The following CERS6 variants were observed in gnomAD, a reference collection of about 807,000 sequenced individuals.
The protein encoded by CERS6 is ceramide synthase 6, also known as LAG1 homolog, ceramide synthase 6.
CERS6 carries 26 observed loss-of-function variants against 56.8 expected under a neutral mutation model. That is an observed-to-expected ratio of 0.46 (90% confidence interval 0.34 to 0.63). The LOEUF is 0.63. CERS6 is among the 30% of genes least tolerant of loss of function. The pLI, the probability that CERS6 is intolerant of heterozygous loss-of-function variation, is 0.01. For synonymous variants in CERS6, 164 were observed against 173.3 expected (o/e 0.95, Z 0.42); for missense variants, 415 against 467.5 (o/e 0.89, Z 1.04).
At chr2:168,536,955 T>C (rs1475054198) in intron 1 of CERS6, among the ~76,000 whole-genome samples, 1 of 152,200 alleles carries the variant, frequency 6.6e-6, no homozygotes, top group Non-Finnish European at 1.5e-5. Context: ...TAAACATTTC[T>C]TGAGTTCTTG....
chr2:168,673,047 A>G (rs1574148836), intron 4 of CERS6, among the ~76,000 whole-genome samples: 1 of 152,358 alleles, frequency 6.6e-6, no homozygotes, highest in East Asian at 1.9e-4. Flanking sequence ...TTGTCTTATT[A>G]GTATTGAGTA....
rs751129672 is a variant in CERS6, at chr2:168,765,636, C to G, written c.890C>G (p.Pro297Arg). Residue 297 changes from proline (P) to arginine (R), a missense_variant, in exon 9 of 10, where the codon CCT becomes CGT. Pro to Arg is a moderately radical substitution (Grantham distance 103). Coordinates refer to ENST00000305747, the MANE Select transcript of CERS6 (RefSeq NM_203463.3). ...TTTGAAAGCTGGGAGATCGTTGGACCTTACCCTTCCTGGTGGGTTTTTAAC... is the reference window on the plus strand; with the variant it reads ...TTTGAAAGCTGGGAGATCGTTGGACGTTACCCTTCCTGGTGGGTTTTTAAC... ...TLFESWEIVGPYPSWWVFNLL... is the reference protein window; with the variant it reads ...TLFESWEIVGRYPSWWVFNLL... 6.8e-6 allele frequency: 11 copies of G among 1,613,954 alleles called. No homozygotes were observed. Among genetic ancestry groups the G allele is most frequent in the Admixed American group, 1.7e-5 (1 of 60,004 alleles).
chr2:168,630,573 A>C (rs1574112588), intron 3 of CERS6, among the ~76,000 whole-genome samples: 2 of 152,266 alleles, frequency 1.3e-5, no homozygotes, highest in East Asian at 3.9e-4. Flanking sequence ...TAATTTTAAA[A>C]TATTAACTCT....
At chr2:168,746,799 A>ATATATG in intron 8 of CERS6, among the ~76,000 whole-genome samples, 1 of 107,316 alleles carries the variant, frequency 9.3e-6, no homozygotes, top group Non-Finnish European at 1.9e-5. Flanking sequence ...ATATATATAT[A>ATATATG]TATATATATA....
At chr2:168,485,017 C>G (rs1694250553) in intron 1 of CERS6, among the ~76,000 whole-genome samples, 1 of 152,188 alleles carries the variant, frequency 6.6e-6, no homozygotes, top group South Asian at 2.1e-4. Flanking sequence ...TAGGCAGGCT[C>G]TCATTAGGTG....
At chr2:168,759,499 T>G (rs1382487767) in intron 8 of CERS6, among the ~76,000 whole-genome samples, 1 of 152,164 alleles carries the variant, frequency 6.6e-6, no homozygotes, top group South Asian at 2.1e-4. Context: ...CAGTAGAGGT[T>G]CGATGCTATT....
At chr2:168,574,560 A>G (rs1425084237) in intron 3 of CERS6, among the ~76,000 whole-genome samples, 1 of 152,216 alleles carries the variant, frequency 6.6e-6, no homozygotes, top group East Asian at 1.9e-4. Flanking sequence ...TTATCCATAA[A>G]ACAAGGCGAT....
At chr2:168,567,990 T>G (rs1171515758) in intron 3 of CERS6, among the ~76,000 whole-genome samples, 1 of 152,236 alleles carries the variant, frequency 6.6e-6, no homozygotes, top group Non-Finnish European at 1.5e-5. Context: ...CCTCGTTCTA[T>G]TCTAGACCTA....
At chr2:168,464,842 A>G (rs1405834064) in intron 1 of CERS6, among the ~76,000 whole-genome samples, 1 of 152,240 alleles carries the variant, frequency 6.6e-6, no homozygotes, top group Non-Finnish European at 1.5e-5. Flanking sequence ...AACCACTATG[A>G]GATACGCATT....
At chr2:168,527,442 A>G (rs1429875574) in intron 1 of CERS6, among the ~76,000 whole-genome samples, 3 of 152,188 alleles carry the variant, frequency 2.0e-5, no homozygotes, top group Non-Finnish European at 2.9e-5. Flanking sequence ...GGGTTTATGC[A>G]GATTTATAAT....
chr2:168,758,070 G>C (rs1684466669), intron 8 of CERS6, among the ~76,000 whole-genome samples: 2 of 152,102 alleles, frequency 1.3e-5, no homozygotes, highest in Admixed American at 1.3e-4. Flanking sequence ...TTTTTGTTCG[G>C]AGTGAATTTT....
intron 8 of CERS6, among the ~76,000 whole-genome samples, chr2:168,734,469 T>C (rs1683652470): frequency 6.6e-6 from 1 of 152,150 alleles, no homozygotes; most frequent in Non-Finnish European, 1.5e-5. Context: ...ACACTAACAC[T>C]GAACCATTTA....
At chr2:168,514,164 T>C (rs1486360317) in intron 1 of CERS6, among the ~76,000 whole-genome samples, 1 of 152,228 alleles carries the variant, frequency 6.6e-6, no homozygotes, top group Non-Finnish European at 1.5e-5. Flanking sequence ...TTTGACAGTT[T>C]AGTTACGAAT....
rs10609883 is a variant in CERS6 at position 168,477,173 on chromosome 2, C to CAGAGAGAGAGAGAGAGAG, written c.170+20584_170+20601dup. Among the ~76,000 whole-genome samples the CAGAGAGAGAGAGAGAGAG allele has an allele frequency of 3.5e-4, 41 of 115,524 alleles. 1 individual carries two copies. Among genetic ancestry groups the CAGAGAGAGAGAGAGAGAG allele is most frequent in the African/African-American group, 1.3e-3 (40 of 29,970 alleles). 75.8% of individuals were successfully genotyped at this position (115,524 alleles called of 152,430 possible). ...AGGGAGGAAAGGAATGAGGGAGAGA[C>CAGAGAGAGAGAGAGAGAG]AGAGAGAGAGAGAGAGAGAGAGAGA... is the stretch of plus-strand genomic sequence containing the variant. On this transcript the variant is annotated intron_variant, in intron 1 of 9. Coordinates refer to ENST00000305747, the MANE Select transcript of CERS6 (RefSeq NM_203463.3).
chr2:168,564,120 A>G (rs1276514793), intron 3 of CERS6, among the ~76,000 whole-genome samples: 1 of 151,904 alleles, frequency 6.6e-6, no homozygotes, highest in Non-Finnish European at 1.5e-5. Flanking sequence ...CTTCAATCTC[A>G]TTTTTCCCTT....
intron 1 of CERS6, among the ~76,000 whole-genome samples, chr2:168,473,693 T>C (rs1694018212): frequency 6.6e-6 from 1 of 152,082 alleles, no homozygotes; most frequent in Admixed American, 6.6e-5. Flanking sequence ...TAATGATATG[T>C]CTATAGTCTC....
intron 1 of CERS6, among the ~76,000 whole-genome samples, chr2:168,510,615 G>A (rs1694761954): frequency 6.6e-6 from 1 of 152,196 alleles, no homozygotes; most frequent in South Asian, 2.1e-4. Context: ...GTGTGACTGT[G>A]TTGTCATCAA....
chr2:168,668,786 T>C (rs1045272266), intron 4 of CERS6, among the ~76,000 whole-genome samples: 3 of 152,196 alleles, frequency 2.0e-5, no homozygotes, highest in Non-Finnish European at 4.4e-5. Flanking sequence ...TTAGAAGTAT[T>C]AAACTATGCT....
At chr2:168,484,022 A>G (rs1184413207) in intron 1 of CERS6, among the ~76,000 whole-genome samples, 1 of 152,182 alleles carries the variant, frequency 6.6e-6, no homozygotes, top group Non-Finnish European at 1.5e-5. Context: ...GTGTATTCAA[A>G]ATATTGTACC....
Sources: gnomAD v4.1 joint callset for allele counts (sites outside exome capture counted in the v4.1 genomes callset) on GRCh38, gnomAD v4.1.1 for gene constraint, MANE v1.5 for transcripts, NCBI Gene and HGNC (gene_info 2026-07-23, HGNC 2026-07-21) for gene names.